CPNE5: variants seen among roughly 807,000 people sequenced by gnomAD.
The protein encoded by CPNE5 is copine 5, also known as copine-5.
Under a neutral mutation model 81.1 loss-of-function variants are expected in CPNE5, and 42 were observed. That is an observed-to-expected ratio of 0.52 (90% confidence interval 0.40 to 0.67). CPNE5 has a LOEUF of 0.67. Ranked by LOEUF, CPNE5 falls within the 30% of genes least tolerant of loss-of-function variation. CPNE5 has a pLI of 0.00. For missense variants in CPNE5, 612 were observed against 815.5 expected (o/e 0.75, Z 3.04); for synonymous variants, 313 against 321.5 (o/e 0.97, Z 0.28).
intron 4 of CPNE5, among the ~76,000 whole-genome samples, chr6:36,799,712 A>G (rs1769934916): frequency 6.6e-6 from 1 of 152,148 alleles, no homozygotes; most frequent in African/African-American, 2.4e-5. Flanking sequence ...CCCAGCACCA[A>G]GCAGCTTGCC....
chr6:36,838,646 A>C, intron 1 of CPNE5: 1 of 470,000 alleles, frequency 2.1e-6, no homozygotes, highest in Non-Finnish European at 2.8e-6. Flanking sequence ...TTTTTGACCC[A>C]AGTTATTTTT....
At chr6:36,758,592 A>G (rs981050732) in intron 12 of CPNE5, among the ~76,000 whole-genome samples, 1 of 152,124 alleles carries the variant, frequency 6.6e-6, no homozygotes, top group African/African-American at 2.4e-5. Context: ...TATTACTGCC[A>G]CCATAAGTCC....
intron 19 of CPNE5, 141 bp from the exon 20 acceptor site, chr6:36,743,903 A>T (rs935923827): frequency 1.1e-5 from 8 of 750,412 alleles, no homozygotes; most frequent in Non-Finnish European, 1.8e-5. Flanking sequence ...GAGATGAGGA[A>T]ACTGAGGCCA....
chr6:36,776,287 C>T (rs746135148), intron 9 of CPNE5, among the ~76,000 whole-genome samples: 15 of 152,234 alleles, frequency 9.9e-5, no homozygotes, highest in East Asian at 5.8e-4. Flanking sequence ...CCCACACAGC[C>T]GGTGTCATTT....
intron 8 of CPNE5, among the ~76,000 whole-genome samples, chr6:36,785,163 G>A (rs190407628): frequency 1.3e-5 from 2 of 152,188 alleles, no homozygotes; most frequent in East Asian, 1.9e-4. Flanking sequence ...GGAGATTATA[G>A]CAGACAGCCT....
chr6:36,778,910 A>G lies in CPNE5; in HGVS notation c.576T>C (p.Asp192=). The change falls in exon 9 of 21, where the codon GAT becomes GAC. Residue 192 remains aspartate (D), a synonymous_variant. Coordinates refer to ENST00000244751, the MANE Select transcript of CPNE5 (RefSeq NM_020939.2). ...QFCANKLDKK[D]FFGKSDPFLV... is the part of the protein sequence containing the mutation. ...AGAAGGGGTCAGATTTCCCAAAGAA[A>G]TCTTTCTTGTCCAGCTTGTTGGCAC... 1 of 1,606,572 alleles carries G rather than the reference A, an allele frequency of 6.2e-7. No individual in the cohort carries two copies. Among genetic ancestry groups the G allele is most frequent in the Non-Finnish European group, 8.5e-7 (1 of 1,173,650 alleles).
chr6:36,819,033 C>A (rs1458613014), intron 3 of CPNE5, among the ~76,000 whole-genome samples: 1 of 152,200 alleles, frequency 6.6e-6, no homozygotes, highest in African/African-American at 2.4e-5. Context: ...TTGGCATAGA[C>A]TCTTGGACAG....
chr6:36,827,737 G>A, intron 1 of CPNE5: 2 of 985,434 alleles, frequency 2.0e-6, no homozygotes, highest in Non-Finnish European at 2.4e-6. Context: ...AAGCCTGGGG[G>A]AGGAAACCGG....
intron 3 of CPNE5, among the ~76,000 whole-genome samples, chr6:36,821,729 G>C (rs551074407): frequency 6.6e-6 from 1 of 152,296 alleles, no homozygotes; most frequent in African/African-American, 2.4e-5. Context: ...CTGAAGCCAC[G>C]CTCACCTTAG....
intron 7 of CPNE5, chr6:36,792,506 G>A (rs553327913): frequency 3.0e-4 from 226 of 752,690 alleles, no homozygotes; most frequent in South Asian, 5.8e-4. Context: ...GACCCCCAGC[G>A]TCCCGGGACA....
At chr6:36,792,131 G>A (rs1769151909) in intron 7 of CPNE5, 35 bp from the exon 8 acceptor site, 1 of 1,594,552 alleles carries the variant, frequency 6.3e-7, no homozygotes, top group South Asian at 1.1e-5. Context: ...TGGAAAGCCA[G>A]ACAAAGACAG....
At chr6:36,809,460 C>T (rs1770902744) in intron 3 of CPNE5, among the ~76,000 whole-genome samples, 1 of 151,896 alleles carries the variant, frequency 6.6e-6, no homozygotes, top group African/African-American at 2.4e-5. Flanking sequence ...TCTGTAGTCC[C>T]AGCTACTTGG....
chr6:36,792,525 CT>C, intron 7 of CPNE5: 2 of 577,722 alleles, frequency 3.5e-6, no homozygotes, highest in Non-Finnish European at 5.9e-6. Flanking sequence ...CAGTCCAGCT[CT>C]GAGCCACTCT....
intron 9 of CPNE5, among the ~76,000 whole-genome samples, chr6:36,777,595 A>G (rs1039972507): frequency 6.6e-6 from 1 of 152,214 alleles, no homozygotes; most frequent in African/African-American, 2.4e-5. Context: ...AATTATTTAA[A>G]GAAATCCTTC....
At chr6:36,812,364 G>A (rs1372283573) in intron 3 of CPNE5, among the ~76,000 whole-genome samples, 1 of 152,120 alleles carries the variant, frequency 6.6e-6, no homozygotes, top group Non-Finnish European at 1.5e-5. Flanking sequence ...TTTAAGGAGG[G>A]GAAGGAAAGG....
chr6:36,807,568 A>G (rs1304388314), intron 3 of CPNE5, among the ~76,000 whole-genome samples: 3 of 152,102 alleles, frequency 2.0e-5, no homozygotes, highest in African/African-American at 7.2e-5. Flanking sequence ...CTTTATCTCT[A>G]AGATGCTCCC....
At chr6:36,834,276 A>AAAGG (rs1773234161) in intron 1 of CPNE5, among the ~76,000 whole-genome samples, 1 of 115,380 alleles carries the variant, frequency 8.7e-6, no homozygotes, top group Non-Finnish European at 1.8e-5. Flanking sequence ...AAAAAAAAAA[A>AAAGG]AAGGAAGGAA....
intron 1 of CPNE5, among the ~76,000 whole-genome samples, chr6:36,831,150 G>A (rs917088022): frequency 2.0e-5 from 3 of 152,046 alleles, no homozygotes; most frequent in Admixed American, 1.3e-4. Flanking sequence ...CGCCTCCTGG[G>A]TTCAAGCTAT....
At chr6:36,765,696 C>A (rs1237545556) in intron 10 of CPNE5, among the ~76,000 whole-genome samples, 3 of 152,228 alleles carry the variant, frequency 2.0e-5, no homozygotes, top group African/African-American at 7.2e-5. Flanking sequence ...CAGCATGGAG[C>A]TGCACTGTGG....
Sources: gnomAD v4.1 joint callset for allele counts (sites outside exome capture counted in the v4.1 genomes callset) on GRCh38, gnomAD v4.1.1 for gene constraint, MANE v1.5 for transcripts, NCBI Gene and HGNC (gene_info 2026-07-23, HGNC 2026-07-21) for gene names.